LYPLAL1: variants seen among roughly 807,000 people sequenced by gnomAD.
LYPLAL1 encodes the protein lysophospholipase-like protein 1.
Under a neutral mutation model 19.7 loss-of-function variants are expected in LYPLAL1, and 23 were observed. That is an observed-to-expected ratio of 1.17 (90% CI 0.84 to 1.65). The LOEUF (loss-of-function observed/expected upper bound fraction) is 1.65. Ranked by LOEUF, LYPLAL1 falls within the 40% of genes most tolerant of loss-of-function variation. The pLI, the probability that LYPLAL1 is intolerant of heterozygous loss-of-function variation, is 0.00. For missense variants in LYPLAL1, 355 were observed against 279.4 expected (o/e 1.27, Z -1.93); for synonymous variants, 119 against 96.3 (o/e 1.24, Z -1.38).
the LYPLAL1 span, among the ~76,000 whole-genome samples, chr1:219,427,159 A>G: frequency 6.6e-6 from 1 of 152,206 alleles, no homozygotes; most frequent in Non-Finnish European, 1.5e-5. Context: ...CTATTAGTAA[A>G]AAATCTTCAT....
At chr1:219,254,845 G>A in the LYPLAL1 span, among the ~76,000 whole-genome samples, 1 of 152,014 alleles carries the variant, frequency 6.6e-6, no homozygotes, top group Admixed American at 6.6e-5. Context: ...AGTTTTCATA[G>A]ATGATATCAT....
the LYPLAL1 span, among the ~76,000 whole-genome samples, chr1:219,426,660 A>G: frequency 1.3e-5 from 2 of 151,868 alleles, no homozygotes; most frequent in African/African-American, 4.8e-5. Context: ...ATGCAGTAGC[A>G]TGATCTCAGC....
At chr1:219,375,769 T>A in the LYPLAL1 span, among the ~76,000 whole-genome samples, 2 of 138,884 alleles carry the variant, frequency 1.4e-5, no homozygotes, top group African/African-American at 5.4e-5. Flanking sequence ...GGGGGCAGAG[T>A]CTCGCTCTGT....
chr1:219,411,418 T>C, the LYPLAL1 span, among the ~76,000 whole-genome samples: 2 of 152,106 alleles, frequency 1.3e-5, no homozygotes, highest in Non-Finnish European at 2.9e-5. Flanking sequence ...TTGGAGAACC[T>C]GTGTGTGGAA....
At chr1:219,243,097 CAT>C in the LYPLAL1 span, among the ~76,000 whole-genome samples, 1 of 152,214 alleles carries the variant, frequency 6.6e-6, no homozygotes, top group African/African-American at 2.4e-5. Flanking sequence ...ACTCCCCAAA[CAT>C]GTGTCTCTAG....
chr1:219,261,024 A>T, the LYPLAL1 span, among the ~76,000 whole-genome samples: 1 of 152,152 alleles, frequency 6.6e-6, no homozygotes, highest in Non-Finnish European at 1.5e-5. Context: ...CATATAAACC[A>T]TATCAAAAGC....
chr1:219,380,777 C>G, the LYPLAL1 span, among the ~76,000 whole-genome samples: 5 of 152,040 alleles, frequency 3.3e-5, no homozygotes, highest in Non-Finnish European at 7.4e-5. Context: ...TATAAAAGAC[C>G]ATAAAGTAAA....
the LYPLAL1 span, among the ~76,000 whole-genome samples, chr1:219,407,516 G>A: frequency 5.3e-5 from 8 of 152,146 alleles, no homozygotes; most frequent in South Asian, 8.3e-4. Context: ...AACATGAAAT[G>A]TAATGAGCTT....
the LYPLAL1 span, chr1:219,409,917 G>A: frequency 6.6e-6 from 1 of 152,146 alleles, no homozygotes; most frequent in African/African-American, 2.4e-5. Context: ...CTTTATGAGA[G>A]GAATATTTAT....
At chr1:219,294,791 A>G in the LYPLAL1 span, among the ~76,000 whole-genome samples, 1 of 152,194 alleles carries the variant, frequency 6.6e-6, no homozygotes, top group African/African-American at 2.4e-5. Flanking sequence ...TGGAATTAAC[A>G]TCTTTGGAGG....
chr1:219,194,594 T>C (rs142247166), intron 3 of LYPLAL1, among the ~76,000 whole-genome samples: 185 of 152,162 alleles, frequency 1.2e-3, no homozygotes, highest in South Asian at 2.1e-3. Context: ...GTATAACTAA[T>C]AGCTTTTCAA....
the LYPLAL1 span, chr1:219,272,402 G>C: frequency 6.6e-6 from 1 of 152,428 alleles, no homozygotes; most frequent in Non-Finnish European, 1.5e-5. Context: ...AAAAATCTGA[G>C]CTGAGACGTC....
chr1:219,177,617 G>A (rs973640949), intron 1 of LYPLAL1, among the ~76,000 whole-genome samples: 2 of 152,168 alleles, frequency 1.3e-5, no homozygotes, highest in Non-Finnish European at 1.5e-5. Flanking sequence ...TCATCCATGA[G>A]ACCTTTTACT....
At chr1:219,267,884 C>G in the LYPLAL1 span, among the ~76,000 whole-genome samples, 1 of 152,154 alleles carries the variant, frequency 6.6e-6, no homozygotes, top group East Asian at 1.9e-4. Flanking sequence ...ATCATTTAAT[C>G]AGAATTTTCT....
chr1:219,372,623 G>C, the LYPLAL1 span, among the ~76,000 whole-genome samples: 1 of 152,100 alleles, frequency 6.6e-6, no homozygotes, highest in African/African-American at 2.4e-5. Flanking sequence ...AATTGGCCCT[G>C]GCCTGCTGGC....
intron 4 of LYPLAL1, 139 bp from the exon 5 acceptor site, chr1:219,211,353 C>T (rs181237823): frequency 9.7e-5 from 62 of 637,370 alleles, no homozygotes; most frequent in African/African-American, 9.6e-4. Flanking sequence ...ATACCTCAGA[C>T]AGCACTCCCT....
chr1:219,340,783 C>A, the LYPLAL1 span, among the ~76,000 whole-genome samples: 1 of 152,038 alleles, frequency 6.6e-6, no homozygotes, highest in Non-Finnish European at 1.5e-5. Flanking sequence ...TTAAAAGGAT[C>A]ATCATTTATT....
intron 2 of LYPLAL1, among the ~76,000 whole-genome samples, chr1:219,184,199 TTTA>T (rs1022020780): frequency 6.6e-6 from 1 of 151,880 alleles, no homozygotes; most frequent in Non-Finnish European, 1.5e-5. Flanking sequence ...TACTTAGGTC[TTTA>T]TTAATTTCTC....
chr1:219,306,321 A>G, the LYPLAL1 span, among the ~76,000 whole-genome samples: 2 of 152,186 alleles, frequency 1.3e-5, no homozygotes, highest in Non-Finnish European at 2.9e-5. Flanking sequence ...TTGTGTCAAT[A>G]TGACTGAGCC....
Sources: gnomAD v4.1 joint callset for allele counts (sites outside exome capture counted in the v4.1 genomes callset) on GRCh38, gnomAD v4.1.1 for gene constraint, MANE v1.5 for transcripts, NCBI Gene and HGNC (gene_info 2026-07-23, HGNC 2026-07-21) for gene names.